The following DLGAP1 variants were observed in gnomAD, a reference collection of about 807,000 sequenced individuals.
DLGAP1 encodes the protein DLG associated protein 1.
A neutral mutation model predicts 90.8 loss-of-function variants in DLGAP1; 11 were observed. The observed-to-expected ratio is 0.12, with a 90% CI of 0.08 to 0.20. DLGAP1 has a LOEUF of 0.20. DLGAP1 is among the 10% of genes least tolerant of loss of function. The pLI, the probability that DLGAP1 is intolerant of heterozygous loss-of-function variation, is 1.00. For synonymous variants in DLGAP1, 558 were observed against 540.7 expected (o/e 1.03, Z -0.44); for missense variants, 1,050 against 1,333.8 (o/e 0.79, Z 3.31).
At position 4,151,271 on chromosome 18, in the gene DLGAP1, T is replaced by G. The variant is rs1019349427; in HGVS notation, c.-250A>C. ...TTTTAACCTGATGTCACTCTGGGTATCTGATGTTCAACTGCTCTGAAACAT... is the reference window on the plus strand; with the variant it reads ...TTTTAACCTGATGTCACTCTGGGTAGCTGATGTTCAACTGCTCTGAAACAT... On this transcript the variant is annotated 5_prime_UTR_variant, in exon 2 of 13. Transcript: ENST00000315677. The G allele has an allele frequency of 1.3e-5, 2 of 152,156 alleles. No individual in the cohort carries two copies. Among genetic ancestry groups the G allele is most frequent in the Non-Finnish European group, 2.9e-5 (2 of 68,030 alleles). The allele number at this position is 152,156 out of a possible 1,614,324, so 9.4% of individuals were successfully genotyped here.
chr18:4,072,249 C>T (rs892309363), intron 2 of DLGAP1, among the ~76,000 whole-genome samples: 3 of 152,026 alleles, frequency 2.0e-5, no homozygotes, highest in African/African-American at 7.2e-5. Flanking sequence ...CAAAAAAAGA[C>T]CTTCGCTGCA....
intron 1 of DLGAP1, among the ~76,000 whole-genome samples, chr18:4,168,004 C>T (rs1327028976): frequency 6.6e-6 from 1 of 152,156 alleles, no homozygotes; most frequent in Non-Finnish European, 1.5e-5. Context: ...CTAAAGATAT[C>T]ACTTCTACCC....
chr18:3,979,862 G>A (rs117884672), intron 3 of DLGAP1, among the ~76,000 whole-genome samples: 4,697 of 152,206 alleles, frequency 0.031, 105 homozygotes, highest in Admixed American at 0.045. Flanking sequence ...ATAGCTGGGC[G>A]CGGTGGCTCA....
intron 1 of DLGAP1, among the ~76,000 whole-genome samples, chr18:4,221,616 G>C (rs1598651561): frequency 6.6e-6 from 1 of 152,202 alleles, no homozygotes. Context: ...GAAGATGCAG[G>C]ACATCAGCAG....
chr18:3,783,380 C>A (rs531728771), intron 5 of DLGAP1, among the ~76,000 whole-genome samples: 1 of 152,060 alleles, frequency 6.6e-6, no homozygotes, highest in African/African-American at 2.4e-5. Context: ...CTCATGATAG[C>A]CAAAAGTGAA....
intron 5 of DLGAP1, among the ~76,000 whole-genome samples, chr18:3,747,953 A>G (rs2063338558): frequency 6.6e-6 from 1 of 152,218 alleles, no homozygotes; most frequent in Non-Finnish European, 1.5e-5. Flanking sequence ...ATAAACACCA[A>G]AATAGTGCAT....
At chr18:3,991,638 C>T (rs1469958878) in intron 3 of DLGAP1, among the ~76,000 whole-genome samples, 1 of 152,200 alleles carries the variant, frequency 6.6e-6, no homozygotes, top group African/African-American at 2.4e-5. Context: ...TCTCCCTTCT[C>T]CCCAGAGCTA....
At chr18:4,428,144 T>C (rs1309569373) in intron 1 of DLGAP1, among the ~76,000 whole-genome samples, 2 of 152,180 alleles carry the variant, frequency 1.3e-5, no homozygotes, top group Non-Finnish European at 2.9e-5. Context: ...AAATCTCATG[T>C]CAAATTGTAA....
chr18:3,599,251 AC>A (rs1219190543), intron 7 of DLGAP1, among the ~76,000 whole-genome samples: 4 of 152,218 alleles, frequency 2.6e-5, no homozygotes, highest in African/African-American at 9.6e-5. Flanking sequence ...CAGGCGCTTT[AC>A]CTATAGTCTC....
At chr18:3,789,403 G>A (rs2065615575) in intron 5 of DLGAP1, among the ~76,000 whole-genome samples, 1 of 152,338 alleles carries the variant, frequency 6.6e-6, no homozygotes, top group South Asian at 2.1e-4. Flanking sequence ...TCTCAGAGAT[G>A]TGGAGCTCAG....
intron 6 of DLGAP1, among the ~76,000 whole-genome samples, chr18:3,741,043 T>C (rs1344134864): frequency 1.3e-3 from 27 of 20,194 alleles, no homozygotes; most frequent in East Asian, 1.9e-3. Context: ...CACCATCACC[T>C]CACCACCACC....
At chr18:3,578,565 C>G (rs2055294592) in intron 8 of DLGAP1, among the ~76,000 whole-genome samples, 1 of 151,998 alleles carries the variant, frequency 6.6e-6, no homozygotes, top group Non-Finnish European at 1.5e-5. Context: ...CCATGTTGGC[C>G]AGGATGGTGT....
At chr18:3,503,810 TGAA>T (rs576219898) in intron 11 of DLGAP1, among the ~76,000 whole-genome samples, 1 of 152,286 alleles carries the variant, frequency 6.6e-6, no homozygotes, top group African/African-American at 2.4e-5. Context: ...TAAAAATAAA[TGAA>T]GTCTGGGCGT....
intron 1 of DLGAP1, among the ~76,000 whole-genome samples, chr18:4,311,850 G>C (rs914415487): frequency 6.6e-6 from 1 of 152,104 alleles, no homozygotes; most frequent in Non-Finnish European, 1.5e-5. Flanking sequence ...TGAGTAGCTG[G>C]GATTACAGGT....
At chr18:3,754,151 C>A (rs2063615322) in intron 5 of DLGAP1, among the ~76,000 whole-genome samples, 1 of 152,082 alleles carries the variant, frequency 6.6e-6, no homozygotes, top group Admixed American at 6.5e-5. Context: ...CAGGCACATG[C>A]CACCATACCC....
chr18:3,929,147 T>G (rs2072459976), intron 3 of DLGAP1, among the ~76,000 whole-genome samples: 1 of 152,196 alleles, frequency 6.6e-6, no homozygotes, highest in South Asian at 2.1e-4. Flanking sequence ...TTACACAGTC[T>G]CAGGTAGGTC....
chr18:4,233,229 T>C (rs2078336313), intron 1 of DLGAP1, among the ~76,000 whole-genome samples: 1 of 152,140 alleles, frequency 6.6e-6, no homozygotes, highest in Non-Finnish European at 1.5e-5. Flanking sequence ...CCACTTATGT[T>C]CTATCCCTGG....
intron 1 of DLGAP1, among the ~76,000 whole-genome samples, chr18:4,425,985 T>C (rs940072274): frequency 2.0e-5 from 3 of 152,232 alleles, no homozygotes; most frequent in Non-Finnish European, 2.9e-5. Flanking sequence ...GTGATTCACA[T>C]TGTGCAGGCT....
chr18:3,874,753 A>G (rs1406930528), intron 4 of DLGAP1: 50 of 1,493,780 alleles, frequency 3.3e-5, no homozygotes, highest in Non-Finnish European at 4.3e-5. Context: ...CAGCGGTACA[A>G]TAGTTCTAAA....
Sources: gnomAD v4.1 joint callset for allele counts (sites outside exome capture counted in the v4.1 genomes callset) on GRCh38, gnomAD v4.1.1 for gene constraint, MANE v1.5 for transcripts, NCBI Gene and HGNC (gene_info 2026-07-23, HGNC 2026-07-21) for gene names.